TAF4: variants seen among roughly 807,000 people sequenced by gnomAD.
The protein encoded by TAF4 is transcription initiation factor TFIID subunit 4.
Under a neutral mutation model 90.3 loss-of-function variants are expected in TAF4, and 9 were observed. The observed-to-expected ratio is 0.10, with a 90% CI of 0.06 to 0.17. TAF4 has a LOEUF of 0.17. Among genes scored for constraint, TAF4 ranks in the 10% least tolerant of loss-of-function variants. The probability of loss-of-function intolerance (pLI) is 1.00; values close to 1 mark genes in which losing one functional copy is unlikely to be tolerated. For synonymous variants in TAF4, 818 were observed against 638.9 expected, an observed-to-expected ratio of 1.28 and a Z score of -4.23; for missense variants, 1,351 against 1,370.7, an observed-to-expected ratio of 0.99 and a Z score of 0.23.
At chr20:62,012,650 T>C in intron 3 of TAF4, 165 bp downstream of exon 3, 1 of 924,968 alleles carries the variant, frequency 1.1e-6, no homozygotes, top group Non-Finnish European at 1.5e-6. Flanking sequence ...CCCATGTTGG[T>C]GGTCAAAGAA....
intron 1 of TAF4, among the ~76,000 whole-genome samples, chr20:62,062,296 G>A (rs1229159413): frequency 6.6e-6 from 1 of 152,234 alleles, no homozygotes; most frequent in Non-Finnish European, 1.5e-5. Context: ...ATCGATTACA[G>A]GAAGTAACCA....
chr20:61,998,334 C>A, intron 12 of TAF4, 142 bp from the exon 13 acceptor site: 1 of 824,532 alleles, frequency 1.2e-6, no homozygotes, highest in Non-Finnish European at 1.8e-6. Context: ...TGCTTATAGC[C>A]AAAGATGAAA....
At chr20:62,051,713 C>T (rs4925334) in intron 1 of TAF4, among the ~76,000 whole-genome samples, 83,580 of 151,942 alleles carry the variant, frequency 0.55, 23,439 homozygotes, top group Middle Eastern at 0.67. Flanking sequence ...GGGGCCTGGC[C>T]CCTGCCATGG....
intron 1 of TAF4, among the ~76,000 whole-genome samples, chr20:62,031,807 G>A (rs1158473088): frequency 6.6e-6 from 1 of 152,024 alleles, no homozygotes; most frequent in Non-Finnish European, 1.5e-5. Context: ...CCAGGGAGAC[G>A]CCGGGGTGCA....
At chr20:61,985,501 C>T (rs1214473666) in intron 14 of TAF4, among the ~76,000 whole-genome samples, 2 of 152,158 alleles carry the variant, frequency 1.3e-5, no homozygotes, top group East Asian at 1.9e-4. Flanking sequence ...TTGAAATGTA[C>T]TATTTTGACC....
chr20:62,059,616 T>C (rs938522526), intron 1 of TAF4, among the ~76,000 whole-genome samples: 3 of 152,212 alleles, frequency 2.0e-5, no homozygotes, highest in Admixed American at 1.3e-4. Context: ...GCCCCCTTTA[T>C]TTAACTGCTT....
chr20:61,984,496 G>A (rs544734339), intron 14 of TAF4, among the ~76,000 whole-genome samples: 16 of 152,256 alleles, frequency 1.1e-4, no homozygotes, highest in Non-Finnish European at 1.9e-4. Context: ...ATGTGCACAC[G>A]AGAGAGGGTG....
chr20:62,034,823 ATTTCT>A (rs1488439047), intron 1 of TAF4, among the ~76,000 whole-genome samples: 1 of 133,410 alleles, frequency 7.5e-6, no homozygotes, highest in African/African-American at 2.8e-5. Context: ...TATCTCATAG[ATTTCT>A]TTTTTTTTTT....
intron 14 of TAF4, among the ~76,000 whole-genome samples, chr20:61,981,587 G>A (rs1199177067): frequency 6.6e-6 from 1 of 152,126 alleles, no homozygotes; most frequent in Non-Finnish European, 1.5e-5. Context: ...AATGCAGTAA[G>A]GAACCTACGA....
At chr20:61,995,087 G>C (rs909474737) in intron 14 of TAF4, among the ~76,000 whole-genome samples, 2 of 152,148 alleles carry the variant, frequency 1.3e-5, no homozygotes, top group African/African-American at 4.8e-5. Flanking sequence ...ACTCAAGATG[G>C]TCAGCCAGTA....
Position 62,065,216 on chromosome 20 carries a change from TC to T in TAF4, c.594del (p.Asn199MetfsTer7). ...KPAGPGAAQTLNGSAALLNSH... is the reference protein window; with the variant it reads ...KPAGPGAAQTXNGSAALLNSH... ...GAGTTCAGCAGCGCGGCGCTCCCAT[TC>T]AAAGTTTGCGCGGCGCCGGGGCCGG... On this transcript the variant is annotated frameshift_variant, in exon 1 of 15. Coordinates refer to ENST00000252996, the MANE Select transcript of TAF4 (RefSeq NM_003185.4). LOFTEE classifies it high-confidence loss of function. 1 of 1,153,698 alleles carries T rather than the reference TC, an allele frequency of 8.7e-7. No individual in the cohort carries two copies. The highest frequency in any genetic ancestry group is 1.1e-6 in the Non-Finnish European group (1 of 920,048). 71.5% of individuals were successfully genotyped at this position (1,153,698 alleles called of 1,614,324 possible).
chr20:62,032,365 T>C (rs1432620709), intron 1 of TAF4, among the ~76,000 whole-genome samples: 2 of 152,254 alleles, frequency 1.3e-5, no homozygotes, highest in Non-Finnish European at 2.9e-5. Context: ...TTTGTCCAGA[T>C]GGCAACAAGC....
intron 14 of TAF4, among the ~76,000 whole-genome samples, chr20:61,994,271 G>T (rs187455025): frequency 3.3e-4 from 51 of 152,354 alleles, no homozygotes; most frequent in African/African-American, 1.2e-3. Flanking sequence ...CAGCCAGTGG[G>T]CACTCAGGCC....
At chr20:62,009,296 C>G in intron 4 of TAF4, 122 bp from the exon 5 acceptor site, 1 of 1,040,138 alleles carries the variant, frequency 9.6e-7, no homozygotes, top group East Asian at 2.7e-5. Flanking sequence ...AAACTTCTTT[C>G]AAGAAAACGC....
intron 1 of TAF4, among the ~76,000 whole-genome samples, chr20:62,052,402 C>A (rs1351799733): frequency 6.6e-6 from 1 of 152,118 alleles, no homozygotes; most frequent in Non-Finnish European, 1.5e-5. Flanking sequence ...CAGTGACCTA[C>A]TTCTCCATCT....
intron 4 of TAF4, among the ~76,000 whole-genome samples, chr20:62,009,614 C>A (rs1179126325): frequency 1.3e-5 from 2 of 152,202 alleles, no homozygotes; most frequent in African/African-American, 2.4e-5. Flanking sequence ...AGATGTCTAT[C>A]GATACAGGCC....
intron 1 of TAF4, among the ~76,000 whole-genome samples, chr20:62,034,097 A>G (rs2055919360): frequency 6.6e-6 from 1 of 152,066 alleles, no homozygotes; most frequent in Non-Finnish European, 1.5e-5. Context: ...TCCCCTCAAC[A>G]CTACACCTGA....
chr20:62,000,304 C>A, intron 10 of TAF4, 50 bp from the exon 11 acceptor site: 1 of 1,593,590 alleles, frequency 6.3e-7, no homozygotes. Context: ...AAGCACAGTT[C>A]TTTCTTTACG....
rs1196957322 is a variant in TAF4 at position 61,984,902 on chromosome 20, G to A, written c.3091-8567C>T. Among the ~76,000 whole-genome samples, 54 of 57,510 alleles carry A rather than the reference G, an allele frequency of 9.4e-4. 1 individual carries two copies. The highest frequency in any genetic ancestry group is 9.6e-4 in the Non-Finnish European group (30 of 31,246). The allele number at this position is 57,510 out of a possible 152,430, so 37.7% of individuals were successfully genotyped here. ...AGGGAAGGTGCAGCAGGACTAGGGA[G>A]GGTGCAGCAGGAGGAGGGCGAGCAA... On this transcript the variant is annotated intron_variant, in intron 14 of 14. Coordinates refer to ENST00000252996, the MANE Select transcript of TAF4 (RefSeq NM_003185.4).
Sources: allele counts gnomAD v4.1 joint callset (sites outside exome capture counted in the v4.1 genomes callset), GRCh38; gene constraint gnomAD v4.1.1; transcripts MANE v1.5; gene names NCBI Gene and HGNC (gene_info 2026-07-23, HGNC 2026-07-21).